Variants in FAM118B observed in about 807,000 individuals in gnomAD.
FAM118B encodes SIR2 antiphage like 1.
A neutral mutation model predicts 38.5 loss-of-function variants in FAM118B; 24 were observed. The observed-to-expected ratio is 0.62, with a 90% CI of 0.45 to 0.88. FAM118B has a LOEUF of 0.88. FAM118B is among the 40% of genes least tolerant of loss of function. The pLI is 0.00. For missense variants in FAM118B, 334 were observed against 420.0 expected (o/e 0.80, Z 1.79); for synonymous variants, 138 against 156.3 (o/e 0.88, Z 0.87).
intron 1 of FAM118B, among the ~76,000 whole-genome samples, chr11:126,219,207 A>T (rs1454862368): frequency 6.6e-6 from 1 of 152,192 alleles, no homozygotes; most frequent in Non-Finnish European, 1.5e-5. Context: ...AAGATTAAGA[A>T]GTAAACACGT....
chr11:126,213,424 C>T (rs923600980), intron 1 of FAM118B, among the ~76,000 whole-genome samples: 2 of 152,126 alleles, frequency 1.3e-5, no homozygotes, highest in Non-Finnish European at 2.9e-5. Context: ...CCACCCACCC[C>T]CTGCAAATTT....
chr11:126,255,170 T>C lies in FAM118B; in HGVS notation c.696+737T>C, dbSNP rs1458607131. The stretch of plus-strand genomic sequence containing the variant: ...CTTATATTGAATTAACCACATTTAT[T>C]CACACTTACTCTTTGTGAAAAGCTT... On this transcript the variant is annotated intron_variant, in intron 6 of 8. Coordinates refer to ENST00000533050, the MANE Select transcript of FAM118B (RefSeq NM_024556.4). The surrounding 1 kb of genome is among the most constrained non-coding windows in gnomAD (Gnocchi z 4.6). Among the ~76,000 whole-genome samples, 1 of 152,240 alleles carries C rather than the reference T, an allele frequency of 6.6e-6. No individual in the cohort carries two copies. The highest frequency in any genetic ancestry group is 1.5e-5 in the Non-Finnish European group (1 of 68,046).
intron 1 of FAM118B, among the ~76,000 whole-genome samples, chr11:126,215,137 G>A (rs191701320): frequency 1.3e-5 from 2 of 152,322 alleles, no homozygotes; most frequent in African/African-American, 4.8e-5. Context: ...CAGCCGCTGC[G>A]TACTTGAACA....
intron 1 of FAM118B, among the ~76,000 whole-genome samples, chr11:126,218,575 C>A (rs1950014005): frequency 6.6e-6 from 1 of 152,162 alleles, no homozygotes; most frequent in African/African-American, 2.4e-5. Context: ...GAAACAGTGC[C>A]TGGCGATGAA....
intron 1 of FAM118B, among the ~76,000 whole-genome samples, chr11:126,215,110 T>G (rs973543827): frequency 6.6e-6 from 1 of 152,176 alleles, no homozygotes; most frequent in Non-Finnish European, 1.5e-5. Context: ...CCAGGAGATG[T>G]GGGACTAGTT....
rs1475990762 is a variant in FAM118B, at chr11:126,261,479, TAA to T, written c.1038_1039del (p.Ile346MetfsTer4). On this transcript the variant is annotated frameshift_variant, in exon 8 of 9. Transcript: ENST00000533050. LOFTEE classifies it high-confidence loss of function. ...GGCTCATCTGCAGCACACAGTGAAA[TAA>T]GAGGTATACTGTTTCCTATTCTACT... 6.2e-7 allele frequency: 1 copy of T among 1,611,996 alleles called. No individual in the cohort carries two copies. Among genetic ancestry groups the T allele is most frequent in the East Asian group, 2.2e-5 (1 of 44,874 alleles).
In FAM118B at chr11:126,252,575, T is replaced by G. The variant is rs1950519245; in HGVS notation, c.568-1730T>G. On this transcript the variant is annotated intron_variant, in intron 5 of 8. Coordinates refer to ENST00000533050, the MANE Select transcript of FAM118B (RefSeq NM_024556.4). The surrounding 1 kb of genome is among the most constrained non-coding windows in gnomAD (Gnocchi z 4.7). ...CTGGGCATCATAGCAAGACCCCATC[T>G]CTACAAAAAGTTTAAAAATTAGCCG... Among the ~76,000 whole-genome samples, 1 of 152,028 alleles carries G rather than the reference T, an allele frequency of 6.6e-6. No individual in the cohort carries two copies. Among genetic ancestry groups the G allele is most frequent in the South Asian group, 2.1e-4 (1 of 4,826 alleles).
chr11:126,248,637 TG>T (rs1197967709), intron 4 of FAM118B, among the ~76,000 whole-genome samples: 1 of 152,192 alleles, frequency 6.6e-6, no homozygotes. Context: ...CCCAAAGTGC[TG>T]GGATTACAGG....
intron 2 of FAM118B, among the ~76,000 whole-genome samples, chr11:126,232,783 T>C (rs1318471018): frequency 6.6e-6 from 1 of 151,962 alleles, no homozygotes; most frequent in East Asian, 1.9e-4. Flanking sequence ...AACTAATGGA[T>C]TGTCCTGTGT....
chr11:126,259,806 T>C (rs1950649709), intron 7 of FAM118B, among the ~76,000 whole-genome samples: 1 of 150,446 alleles, frequency 6.6e-6, no homozygotes, highest in African/African-American at 2.5e-5. Context: ...CTGCAAGCTC[T>C]GCCTCCTGGG....
At position 126,262,276 on chromosome 11, in the gene FAM118B, G is replaced by A; in HGVS notation, c.*143G>A. 1.2e-6 allele frequency: 1 copy of A among 826,876 alleles called. No homozygotes were observed. The highest frequency in any genetic ancestry group is 2.0e-6 in the Non-Finnish European group (1 of 500,746). 51.2% of individuals were successfully genotyped at this position (826,876 alleles called of 1,614,324 possible). A position where few individuals can be genotyped will look rare whatever the true frequency, so the allele number is the denominator to read the frequency against. The stretch of plus-strand genomic sequence containing the variant: ...GGTTGAAGGGCGGGGTAGAAGAGGG[G>A]GGAATGTTGCAGCGTAATCCTTCAT... On this transcript the variant is annotated 3_prime_UTR_variant, in exon 9 of 9. Coordinates refer to ENST00000533050, the MANE Select transcript of FAM118B (RefSeq NM_024556.4).
intron 1 of FAM118B, among the ~76,000 whole-genome samples, chr11:126,225,782 C>T (rs1950132277): frequency 6.6e-6 from 1 of 152,208 alleles, no homozygotes; most frequent in Admixed American, 6.5e-5. Flanking sequence ...GAGTTCGAGA[C>T]CAGCCTGGCC....
chr11:126,256,761 G>C lies in FAM118B; in HGVS notation c.891G>C (p.Gly297=). Residue 297 remains glycine, a synonymous_variant, in exon 7 of 9, where the codon GGG becomes GGC. Coordinates refer to ENST00000533050, the MANE Select transcript of FAM118B (RefSeq NM_024556.4). The surrounding 1 kb of genome is among the most constrained non-coding windows in gnomAD (Gnocchi z 6.6). ...TTCGAGAAAACATGCTGGACAAGGG[G>C]ATTAAAGTCATCTCCTATGGAGATG... ...KKLRENMLDK[G]IKVISYGDDY... is the part of the protein sequence containing the mutation. The C allele has an allele frequency of 3.1e-6, 5 of 1,614,124 alleles. No homozygotes were observed. The highest frequency in any genetic ancestry group is 3.4e-6 in the Non-Finnish European group (4 of 1,180,010).
At chr11:126,212,317 G>A (rs924666341) in intron 1 of FAM118B, among the ~76,000 whole-genome samples, 5 of 152,132 alleles carry the variant, frequency 3.3e-5, no homozygotes, top group Non-Finnish European at 4.4e-5. Flanking sequence ...CATTTCTTGG[G>A]GGTCTCCTCC....
At position 126,256,991 on chromosome 11, in the gene FAM118B, T is replaced by C; in HGVS notation, c.982+139T>C. The C allele has an allele frequency of 1.2e-6, 1 of 854,928 alleles. No individual in the cohort carries two copies. Among genetic ancestry groups the C allele is most frequent in the East Asian group, 2.5e-5 (1 of 40,718 alleles). The allele number at this position is 854,928 out of a possible 1,614,324, so 53.0% of individuals were successfully genotyped here. ...CCAAATTGTAAAGGAGGCCACAGTCTTCAGGTTAGACTAAAGTGCCACTTG... is the reference window on the plus strand; with the variant it reads ...CCAAATTGTAAAGGAGGCCACAGTCCTCAGGTTAGACTAAAGTGCCACTTG... On this transcript the variant is annotated intron_variant, in intron 7 of 8. Transcript: ENST00000533050. The surrounding 1 kb of genome is among the most constrained non-coding windows in gnomAD (Gnocchi z 6.6).
chr11:126,214,432 C>A (rs1402950659), intron 1 of FAM118B: 2 of 145,584 alleles, frequency 1.4e-5, no homozygotes, highest in African/African-American at 5.0e-5. Context: ...CAATAATCAC[C>A]CCTCAGATAA....
chr11:126,256,744 A>G lies in FAM118B; in HGVS notation c.874A>G (p.Asn292Asp), dbSNP rs769333543. 3.7e-6 allele frequency: 6 copies of G among 1,614,168 alleles called. No individual in the cohort carries two copies. Among genetic ancestry groups the G allele is most frequent in the Non-Finnish European group, 5.1e-6 (6 of 1,180,022 alleles). Residue 292 changes from asparagine to aspartate, a missense_variant, in exon 7 of 9, where the codon AAC (asparagine) becomes GAC (aspartate). By Grantham distance (23) the Asn-to-Asp change is conservative (BLOSUM62 1). Transcript: ENST00000533050. The surrounding 1 kb of genome is among the most constrained non-coding windows in gnomAD (Gnocchi z 6.6). ...AGATGAGTTCAAAAAGCTTCGAGAA[A>G]ACATGCTGGACAAGGGGATTAAAGT... ...DVDEFKKLRE[N>D]MLDKGIKVIS... is the part of the protein sequence containing the mutation.
chr11:126,247,898 TATACGTATATCTATATAG>T (rs1251968980), intron 4 of FAM118B, among the ~76,000 whole-genome samples: 64 of 145,170 alleles, frequency 4.4e-4, no homozygotes, highest in Admixed American at 2.7e-3. Flanking sequence ...TATATATAGA[TATACGTATATCTATATAG>T]ATACGTATAT....
At chr11:126,212,196 C>A (rs1331102194) in intron 1 of FAM118B, among the ~76,000 whole-genome samples, 1 of 152,186 alleles carries the variant, frequency 6.6e-6, no homozygotes, top group Non-Finnish European at 1.5e-5. Flanking sequence ...CGCGTTGTAA[C>A]CTGTACCCTT....
Sources: allele counts gnomAD v4.1 joint callset (sites outside exome capture counted in the v4.1 genomes callset), GRCh38; gene constraint gnomAD v4.1.1; non-coding constraint Gnocchi (gnomAD v3.1); transcripts MANE v1.5; gene names NCBI Gene and HGNC (gene_info 2026-07-23, HGNC 2026-07-21).